Variants in ADAMTS19 observed in about 807,000 individuals in gnomAD.
ADAMTS19 encodes ADAM metallopeptidase with thrombospondin type 1 motif 19, also known as A disintegrin and metalloproteinase with thrombospondin motifs 19.
ADAMTS19 carries 93 observed loss-of-function variants against 153.3 expected under a neutral mutation model. The observed-to-expected ratio is 0.61, with a 90% CI of 0.51 to 0.72. The LOEUF (loss-of-function observed/expected upper bound fraction) is 0.72, where lower values mean the gene tolerates loss of function less well. Ranked by LOEUF, ADAMTS19 falls within the 30% of genes least tolerant of loss-of-function variation. The pLI is 0.00. For missense variants in ADAMTS19, 1,482 were observed against 1,552.1 expected, an observed-to-expected ratio of 0.95 and a Z score of 0.76; for synonymous variants, 600 against 556.6, an observed-to-expected ratio of 1.08 and a Z score of -1.10.
intron 3 of ADAMTS19, among the ~76,000 whole-genome samples, chr5:129,521,765 A>G (rs183522231): frequency 2.6e-5 from 4 of 152,294 alleles, no homozygotes; most frequent in South Asian, 2.1e-4. Context: ...ACTCAGTCAC[A>G]TAATTACACT....
At chr5:129,596,373 CA>C (rs1244940872) in intron 7 of ADAMTS19, among the ~76,000 whole-genome samples, 185 bp from the exon 8 acceptor site, 1 of 151,900 alleles carries the variant, frequency 6.6e-6, no homozygotes, top group African/African-American at 2.4e-5. Flanking sequence ...ATGATATGAA[CA>C]TTTTTTTGCC....
intron 3 of ADAMTS19, among the ~76,000 whole-genome samples, chr5:129,525,911 G>A (rs1047223029): frequency 6.6e-6 from 1 of 151,960 alleles, no homozygotes; most frequent in Non-Finnish European, 1.5e-5. Context: ...TGCCATTGAT[G>A]TCAAAAAGAA....
At chr5:129,715,613 G>A (rs1284564756) in intron 21 of ADAMTS19, among the ~76,000 whole-genome samples, 2 of 152,148 alleles carry the variant, frequency 1.3e-5, no homozygotes, top group Non-Finnish European at 2.9e-5. Flanking sequence ...TGTAGTGGGA[G>A]GTAAGAAAGC....
intron 2 of ADAMTS19, among the ~76,000 whole-genome samples, chr5:129,463,049 G>GA (rs1465741087): frequency 1.3e-5 from 2 of 152,068 alleles, no homozygotes; most frequent in African/African-American, 4.8e-5. Context: ...AGGCATAATT[G>GA]AAAAAAATTG....
chr5:129,664,703 A>G (rs760322572), intron 15 of ADAMTS19, among the ~76,000 whole-genome samples: 4 of 152,132 alleles, frequency 2.6e-5, no homozygotes, highest in Non-Finnish European at 4.4e-5. Flanking sequence ...TCACAGAACT[A>G]CTAAGAACAA....
At chr5:129,566,800 G>A (rs1239692060) in intron 7 of ADAMTS19, among the ~76,000 whole-genome samples, 3 of 152,122 alleles carry the variant, frequency 2.0e-5, no homozygotes, top group Non-Finnish European at 1.5e-5. Context: ...GCAGGAAGAT[G>A]AGCCATAAAA....
At chr5:129,722,416 C>T (rs1001962830) in intron 21 of ADAMTS19, among the ~76,000 whole-genome samples, 10 of 152,060 alleles carry the variant, frequency 6.6e-5, no homozygotes, top group African/African-American at 2.4e-4. Flanking sequence ...AGTGTCTGTT[C>T]ATGTCCTTTG....
intron 18 of ADAMTS19, among the ~76,000 whole-genome samples, chr5:129,690,301 G>A (rs950002961): frequency 4.6e-5 from 7 of 152,220 alleles, no homozygotes; most frequent in African/African-American, 1.7e-4. Flanking sequence ...GGCTTTCTTG[G>A]AAGTGAAAAT....
intron 10 of ADAMTS19, among the ~76,000 whole-genome samples, chr5:129,630,093 C>T (rs1297349500): frequency 1.3e-5 from 2 of 152,002 alleles, no homozygotes; most frequent in Non-Finnish European, 2.9e-5. Flanking sequence ...ATGGAAAGTT[C>T]CAGTTTTACA....
Position 129,532,761 on chromosome 5 carries a change from A to G in ADAMTS19, c.1328+4084A>G, listed in dbSNP as rs535452039. ...ATCATACAATTGAATACTCTTCATC[A>G]AACTGCTAATAAATGCAACCACATG... is the stretch of plus-strand genomic sequence containing the variant. On this transcript the variant is annotated intron_variant, in intron 6 of 22. Coordinates refer to ENST00000274487, the MANE Select transcript of ADAMTS19 (RefSeq NM_133638.6). 3.3e-5 allele frequency among the ~76,000 whole-genome samples: 5 copies of G among 152,308 alleles called. No homozygotes were observed. In the South Asian group the frequency reaches 1.0e-3, roughly 32 times the overall value.
chr5:129,517,788 T>G (rs1201081740), intron 3 of ADAMTS19, among the ~76,000 whole-genome samples: 1 of 152,056 alleles, frequency 6.6e-6, no homozygotes, highest in Non-Finnish European at 1.5e-5. Context: ...ACATTTAATG[T>G]TATTATTGAT....
At chr5:129,590,111 T>G (rs1382505647) in intron 7 of ADAMTS19, among the ~76,000 whole-genome samples, 1 of 152,130 alleles carries the variant, frequency 6.6e-6, no homozygotes, top group Non-Finnish European at 1.5e-5. Context: ...TTTTCAGGCT[T>G]TTTGATTTAT....
At position 129,461,821 on chromosome 5, in the gene ADAMTS19, A is replaced by G. The variant is rs2112864393; in HGVS notation, c.747+64A>G. On this transcript the variant is annotated intron_variant, in intron 2 of 22. Coordinates refer to ENST00000274487, the MANE Select transcript of ADAMTS19 (RefSeq NM_133638.6). This position sits in a 1 kb window ranked among gnomAD's most constrained non-coding sequence, Gnocchi z 4.6. The stretch of plus-strand genomic sequence containing the variant: ...CTGCTCCTCTCCTTGCCCATAGGTC[A>G]GGATGATTTGCATGCACCTTCTCCC... 8.2e-6 allele frequency: 12 copies of G among 1,456,372 alleles called. No homozygotes were observed. Among genetic ancestry groups the G allele is most frequent in the East Asian group, 2.6e-5 (1 of 38,106 alleles). The allele number at this position is 1,456,372 out of a possible 1,614,324, so 90.2% of individuals were successfully genotyped here. A position where few individuals can be genotyped will look rare whatever the true frequency, so the allele number is the denominator to read the frequency against.
At chr5:129,487,698 G>A (rs1750644254) in intron 2 of ADAMTS19, among the ~76,000 whole-genome samples, 1 of 151,852 alleles carries the variant, frequency 6.6e-6, no homozygotes, top group Admixed American at 6.6e-5. Context: ...TGTTTCCTTG[G>A]CACTCAGGGA....
chr5:129,611,645 T>A (rs1430793181), intron 8 of ADAMTS19, among the ~76,000 whole-genome samples: 4 of 152,192 alleles, frequency 2.6e-5, no homozygotes, highest in Non-Finnish European at 4.4e-5. Flanking sequence ...TCCATTGGTC[T>A]ATATCTCTGT....
chr5:129,664,107 A>T (rs1044868741), intron 15 of ADAMTS19, among the ~76,000 whole-genome samples: 2 of 152,210 alleles, frequency 1.3e-5, no homozygotes, highest in African/African-American at 4.8e-5. Context: ...GGAAAAAAAA[A>T]ATCCTACCTC....
intron 7 of ADAMTS19, among the ~76,000 whole-genome samples, chr5:129,579,675 C>T (rs1049296532): frequency 2.6e-5 from 4 of 152,090 alleles, no homozygotes; most frequent in African/African-American, 9.7e-5. Flanking sequence ...TTTCCCAACA[C>T]CGTTTATTAA....
chr5:129,731,223 G>C (rs1757431181), intron 21 of ADAMTS19, among the ~76,000 whole-genome samples: 1 of 152,040 alleles, frequency 6.6e-6, no homozygotes, highest in South Asian at 2.1e-4. Flanking sequence ...CTCCCAAAGT[G>C]CTGGAATTAC....
At chr5:129,626,215 T>C (rs1015632643) in intron 10 of ADAMTS19, among the ~76,000 whole-genome samples, 1 of 152,128 alleles carries the variant, frequency 6.6e-6, no homozygotes, top group Admixed American at 6.6e-5. Flanking sequence ...TCCAGTCTCC[T>C]ATGGAACTCA....
Sources: gnomAD v4.1 joint callset for allele counts (sites outside exome capture counted in the v4.1 genomes callset) on GRCh38, gnomAD v4.1.1 for gene constraint, Gnocchi (gnomAD v3.1) non-coding constraint, MANE v1.5 for transcripts, NCBI Gene and HGNC (gene_info 2026-07-23, HGNC 2026-07-21) for gene names.